Variants in DOK6 observed in about 807,000 individuals in gnomAD.
The protein encoded by DOK6 is downstream of tyrosine kinase 6.
A neutral mutation model predicts 44.0 loss-of-function variants in DOK6; 22 were observed. The observed-to-expected ratio is 0.50, with a 90% confidence interval of 0.36 to 0.71. DOK6 has a LOEUF of 0.71. DOK6 is among the 30% of genes least tolerant of loss of function. The pLI is 0.00. For missense variants in DOK6, 340 were observed against 416.4 expected, an observed-to-expected ratio of 0.82 and a Z score of 1.60; for synonymous variants, 166 against 145.5, an observed-to-expected ratio of 1.14 and a Z score of -1.01.
chr18:69,815,422 C>T (rs563454577), intron 7 of DOK6, among the ~76,000 whole-genome samples: 5 of 152,184 alleles, frequency 3.3e-5, no homozygotes, highest in South Asian at 4.1e-4. Flanking sequence ...CAGTAATATA[C>T]GATAGAGATA....
intron 3 of DOK6, among the ~76,000 whole-genome samples, chr18:69,667,849 A>T (rs1985698909): frequency 6.6e-6 from 1 of 152,200 alleles, no homozygotes; most frequent in South Asian, 2.1e-4. Flanking sequence ...TGACTTTAAA[A>T]GGAATCAATA....
At chr18:69,683,104 G>C (rs1986078480) in intron 4 of DOK6, among the ~76,000 whole-genome samples, 1 of 151,506 alleles carries the variant, frequency 6.6e-6, no homozygotes, top group Non-Finnish European at 1.5e-5. Context: ...CCAAACAAAA[G>C]AGTTTTCCAG....
chr18:69,485,129 G>A (rs1356737899), intron 1 of DOK6, among the ~76,000 whole-genome samples: 3 of 152,102 alleles, frequency 2.0e-5, no homozygotes, highest in South Asian at 2.1e-4. Context: ...ACAGTAGATC[G>A]TTTGCACATC....
chr18:69,831,599 T>C (rs1262653468), intron 7 of DOK6, among the ~76,000 whole-genome samples: 1 of 152,204 alleles, frequency 6.6e-6, no homozygotes, highest in Non-Finnish European at 1.5e-5. Context: ...ACTGTCTTTA[T>C]GGATTGAAAC....
At chr18:69,475,581 G>C (rs888868595) in intron 1 of DOK6, among the ~76,000 whole-genome samples, 1 of 152,082 alleles carries the variant, frequency 6.6e-6, no homozygotes, top group African/African-American at 2.4e-5. Context: ...AGATGGCCCC[G>C]CCTCTACCTT....
At chr18:69,628,591 T>A (rs552346468) in intron 3 of DOK6, among the ~76,000 whole-genome samples, 2 of 152,186 alleles carry the variant, frequency 1.3e-5, no homozygotes, top group Admixed American at 6.5e-5. Flanking sequence ...TTTGATAAGC[T>A]ATGTTCCTCC....
intron 1 of DOK6, among the ~76,000 whole-genome samples, chr18:69,522,848 G>A (rs1981725306): frequency 6.6e-6 from 1 of 152,076 alleles, no homozygotes; most frequent in African/African-American, 2.4e-5. Flanking sequence ...TTAAGTATGT[G>A]ATGGAGAAAA....
At chr18:69,828,786 T>G (rs908311104) in intron 7 of DOK6, among the ~76,000 whole-genome samples, 1 of 148,992 alleles carries the variant, frequency 6.7e-6, no homozygotes, top group Non-Finnish European at 1.5e-5. Context: ...GGTTTAAAGA[T>G]ATAAGTAAAG....
chr18:69,525,626 T>C (rs1288804832), intron 1 of DOK6, among the ~76,000 whole-genome samples: 1 of 152,028 alleles, frequency 6.6e-6, no homozygotes, highest in Non-Finnish European at 1.5e-5. Flanking sequence ...AAATACTCCC[T>C]GTGAATGGGA....
At chr18:69,781,072 C>G (rs1980250966) in intron 7 of DOK6, among the ~76,000 whole-genome samples, 1 of 152,140 alleles carries the variant, frequency 6.6e-6, no homozygotes, top group South Asian at 2.1e-4. Flanking sequence ...TTTCAGCTAC[C>G]AAGAGAAAAC....
At chr18:69,597,768 G>A (rs997454787) in intron 2 of DOK6, among the ~76,000 whole-genome samples, 15 of 144,922 alleles carry the variant, frequency 1.0e-4, no homozygotes, top group African/African-American at 3.9e-4. Flanking sequence ...AACCTCAGCT[G>A]GAAGCGTGCA....
chr18:69,703,395 C>A (rs7240058), intron 5 of DOK6, among the ~76,000 whole-genome samples: 101,429 of 152,032 alleles, frequency 0.67, 34,261 homozygotes, highest in East Asian at 0.89. Flanking sequence ...ATAGGTAACA[C>A]ATAGTCCCTT....
At chr18:69,518,872 T>A (rs939774216) in intron 1 of DOK6, among the ~76,000 whole-genome samples, 41 of 152,144 alleles carry the variant, frequency 2.7e-4, no homozygotes, top group Non-Finnish European at 3.7e-4. Flanking sequence ...ATGGAATATA[T>A]GTTGGCAGGT....
At chr18:69,838,980 C>A (rs1982130663) in intron 7 of DOK6, among the ~76,000 whole-genome samples, 2 of 151,222 alleles carry the variant, frequency 1.3e-5, no homozygotes, top group African/African-American at 4.9e-5. Context: ...CAAGCCTCAC[C>A]CCTAGATTCT....
chr18:69,608,341 G>A lies in DOK6; in HGVS notation c.289+8843G>A, dbSNP rs577253175. ...TATATACGTGTGGATTCATGTCTGGGCTATTCTGTTCCATCAGTCTATATG... is the reference window on the plus strand; with the variant it reads ...TATATACGTGTGGATTCATGTCTGGACTATTCTGTTCCATCAGTCTATATG... On this transcript the variant is annotated intron_variant, in intron 3 of 7. Transcript: ENST00000382713. Among the ~76,000 whole-genome samples the A allele has an allele frequency of 9.9e-5, 15 of 152,198 alleles. No homozygotes were observed. In the East Asian group the frequency reaches 2.9e-3, roughly 29 times the overall value.
intron 7 of DOK6, among the ~76,000 whole-genome samples, chr18:69,790,799 C>A (rs1331164940): frequency 1.3e-5 from 2 of 152,000 alleles, no homozygotes; most frequent in African/African-American, 4.8e-5. Context: ...TCCAAATATA[C>A]TCTTCTAGTT....
chr18:69,549,398 T>C (rs1424723826), intron 1 of DOK6, among the ~76,000 whole-genome samples: 1 of 151,538 alleles, frequency 6.6e-6, no homozygotes, highest in African/African-American at 2.4e-5. Context: ...TGAGGCATTC[T>C]TACTATCATA....
intron 1 of DOK6, among the ~76,000 whole-genome samples, chr18:69,505,776 C>T (rs967333309): frequency 3.9e-5 from 6 of 152,016 alleles, no homozygotes; most frequent in East Asian, 3.9e-4. Context: ...GGATTACAGG[C>T]GTGAGCCACC....
chr18:69,628,144 A>G (rs1254993280), intron 3 of DOK6, among the ~76,000 whole-genome samples: 3 of 152,018 alleles, frequency 2.0e-5, no homozygotes, highest in East Asian at 3.9e-4. Flanking sequence ...TAAACCATTC[A>G]TTTTTTGCAA....
Sources: gnomAD v4.1 joint callset for allele counts (sites outside exome capture counted in the v4.1 genomes callset) on GRCh38, gnomAD v4.1.1 for gene constraint, MANE v1.5 for transcripts, NCBI Gene and HGNC (gene_info 2026-07-23, HGNC 2026-07-21) for gene names.